Variants in NRCAM observed in about 807,000 individuals in gnomAD.
NRCAM encodes NgCAM-related cell adhesion molecule.
Under a neutral mutation model 156.5 loss-of-function variants are expected in NRCAM, and 83 were observed. The observed-to-expected ratio is 0.53, with a 90% CI of 0.44 to 0.64. The LOEUF (loss-of-function observed/expected upper bound fraction) is 0.64, where lower values mean the gene tolerates loss of function less well. NRCAM is among the 30% of genes least tolerant of loss of function. NRCAM has a pLI of 0.00. For synonymous variants in NRCAM, 538 were observed against 563.9 expected, an observed-to-expected ratio of 0.95 and a Z score of 0.65; for missense variants, 1,417 against 1,597.3, an observed-to-expected ratio of 0.89 and a Z score of 1.92.
chr7:108,195,919 G>A, intron 14 of NRCAM, 47 bp from the exon 15 acceptor site: 1 of 1,177,182 alleles, frequency 8.5e-7, no homozygotes. Context: ...ATACATTTTA[G>A]GACTATCGTT....
chr7:108,322,825 G>T (rs2099018691), intron 2 of NRCAM, among the ~76,000 whole-genome samples: 1 of 152,056 alleles, frequency 6.6e-6, no homozygotes, highest in African/African-American at 2.4e-5. Flanking sequence ...ATATAAAGCT[G>T]CCCATTTAAA....
intron 3 of NRCAM, among the ~76,000 whole-genome samples, chr7:108,247,982 G>T (rs1347405262): frequency 1.3e-5 from 2 of 152,196 alleles, no homozygotes; most frequent in Non-Finnish European, 2.9e-5. Context: ...GTAGGAAACT[G>T]CTCTAAAAGT....
At chr7:108,283,243 G>C (rs936284598) in intron 3 of NRCAM, among the ~76,000 whole-genome samples, 1 of 152,206 alleles carries the variant, frequency 6.6e-6, no homozygotes, top group Non-Finnish European at 1.5e-5. Context: ...TTACATAACT[G>C]TCTTTAGTAT....
intron 8 of NRCAM, among the ~76,000 whole-genome samples, chr7:108,229,977 C>A (rs761323870): frequency 5.9e-5 from 9 of 152,080 alleles, no homozygotes; most frequent in Non-Finnish European, 1.0e-4. Flanking sequence ...ATTGGACATG[C>A]CTCATAGGGT....
At chr7:108,436,303 T>C (rs1363920032) in intron 1 of NRCAM, among the ~76,000 whole-genome samples, 1 of 152,206 alleles carries the variant, frequency 6.6e-6, no homozygotes, top group Non-Finnish European at 1.5e-5. Flanking sequence ...GAATAAGATG[T>C]AATGTAAAAC....
chr7:108,293,859 G>A (rs1022546660), intron 3 of NRCAM, among the ~76,000 whole-genome samples: 1 of 152,108 alleles, frequency 6.6e-6, no homozygotes, highest in African/African-American at 2.4e-5. Flanking sequence ...CTTGATTTCA[G>A]GTCTTCTAAT....
chr7:108,266,051 A>T (rs1177741850), intron 3 of NRCAM, among the ~76,000 whole-genome samples: 4 of 151,990 alleles, frequency 2.6e-5, no homozygotes, highest in South Asian at 2.1e-4. Context: ...TTTTTCATAA[A>T]TTTTTTCTTT....
intron 1 of NRCAM, among the ~76,000 whole-genome samples, chr7:108,445,358 A>C (rs1843057748): frequency 6.6e-6 from 1 of 152,204 alleles, no homozygotes; most frequent in Non-Finnish European, 1.5e-5. Context: ...TGTTTTGAGA[A>C]CAGTCCTATC....
At chr7:108,157,841 C>T (rs1396463279) in intron 32 of NRCAM, among the ~76,000 whole-genome samples, 2 of 152,088 alleles carry the variant, frequency 1.3e-5, no homozygotes, top group East Asian at 3.9e-4. Flanking sequence ...AGGAACCCAT[C>T]ACCATGTGGA....
At chr7:108,331,648 G>T (rs956841907) in intron 2 of NRCAM, among the ~76,000 whole-genome samples, 1 of 152,142 alleles carries the variant, frequency 6.6e-6, no homozygotes, top group Admixed American at 6.5e-5. Context: ...TGCTATGTAA[G>T]TATTTCTTTT....
At chr7:108,435,840 A>T (rs1464636661) in intron 1 of NRCAM, among the ~76,000 whole-genome samples, 1 of 152,274 alleles carries the variant, frequency 6.6e-6, no homozygotes, top group East Asian at 1.9e-4. Context: ...TCTTAAAAGC[A>T]GCAAGATATT....
chr7:108,351,181 G>A (rs1594721358), intron 2 of NRCAM, among the ~76,000 whole-genome samples: 1 of 152,150 alleles, frequency 6.6e-6, no homozygotes, highest in Non-Finnish European at 1.5e-5. Context: ...ATAAAGGGAT[G>A]AGTTTGGCCC....
At chr7:108,347,615 C>T (rs2099369399) in intron 2 of NRCAM, among the ~76,000 whole-genome samples, 1 of 152,158 alleles carries the variant, frequency 6.6e-6, no homozygotes, top group East Asian at 1.9e-4. Context: ...TGTATATATT[C>T]CTTAACTAAT....
At chr7:108,447,799 A>G (rs549207959) in intron 1 of NRCAM, among the ~76,000 whole-genome samples, 1 of 152,326 alleles carries the variant, frequency 6.6e-6, no homozygotes, top group African/African-American at 2.4e-5. Context: ...CTATTTTATG[A>G]TGTCAAGTTA....
At chr7:108,279,051 GTCTGCTT>G (rs1426434026) in intron 3 of NRCAM, among the ~76,000 whole-genome samples, 9 of 152,238 alleles carry the variant, frequency 5.9e-5, no homozygotes, top group Non-Finnish European at 1.2e-4. Flanking sequence ...AAAGAAGGTT[GTCTGCTT>G]AGAAGGCACT....
At chr7:108,291,169 C>T (rs920461691) in intron 3 of NRCAM, among the ~76,000 whole-genome samples, 3 of 152,098 alleles carry the variant, frequency 2.0e-5, no homozygotes, top group East Asian at 1.9e-4. Flanking sequence ...AACCTCAATC[C>T]AACACCAAAT....
chr7:108,221,341 C>T (rs563077925), intron 11 of NRCAM, among the ~76,000 whole-genome samples: 1 of 152,302 alleles, frequency 6.6e-6, no homozygotes, highest in East Asian at 1.9e-4. Context: ...AGGAATCCCA[C>T]CACTGGGTAT....
chr7:108,324,877 CTTTTTT>C (rs60553976), intron 2 of NRCAM, among the ~76,000 whole-genome samples: 176 of 82,672 alleles, frequency 2.1e-3, no homozygotes, highest in Non-Finnish European at 3.3e-3. Flanking sequence ...TGGCACTGTA[CTTTTTT>C]TTTTTTTTTT....
At position 108,148,505 on chromosome 7, in the gene NRCAM, G is replaced by A. The variant is rs1394851270; in HGVS notation, c.*1405C>T. On this transcript the variant is annotated 3_prime_UTR_variant, in exon 33 of 33. Transcript: ENST00000379028. The stretch of plus-strand genomic sequence containing the variant: ...AGGTTGTTATAGATTTTCATATTTG[G>A]AGGTAACCCATTTGATAGATATTGT... 1 of 152,610 alleles carries A rather than the reference G, an allele frequency of 6.6e-6. No individual in the cohort carries two copies. Among genetic ancestry groups the A allele is most frequent in the Non-Finnish European group, 1.5e-5 (1 of 68,024 alleles). The allele number at this position is 152,610 out of a possible 1,614,324, so 9.5% of individuals were successfully genotyped here. A position where few individuals can be genotyped will look rare whatever the true frequency, so the allele number is the denominator to read the frequency against.
Sources: gnomAD v4.1 joint callset for allele counts (sites outside exome capture counted in the v4.1 genomes callset) on GRCh38, gnomAD v4.1.1 for gene constraint, MANE v1.5 for transcripts, NCBI Gene and HGNC (gene_info 2026-07-23, HGNC 2026-07-21) for gene names.